Variants in PDE4B observed in about 807,000 individuals in gnomAD.
The protein encoded by PDE4B is phosphodiesterase 4B.
Under a neutral mutation model 82.2 loss-of-function variants are expected in PDE4B, and 20 were observed. The observed-to-expected ratio is 0.24, with a 90% CI of 0.17 to 0.35. The LOEUF is 0.35. Among genes scored for constraint, PDE4B ranks in the 10% least tolerant of loss-of-function variants. The pLI is 1.00. For synonymous variants in PDE4B, 320 were observed against 318.9 expected, an observed-to-expected ratio of 1.00 and a Z score of -0.04; for missense variants, 655 against 907.2, an observed-to-expected ratio of 0.72 and a Z score of 3.57.
intron 11 of PDE4B, 51 bp from the exon 12 acceptor site, chr1:66,363,356 T>C (rs752251789): frequency 5.1e-5 from 80 of 1,563,744 alleles, no homozygotes; most frequent in Non-Finnish European, 6.7e-5. Flanking sequence ...TTAACTTTCC[T>C]CGACTTTTGG....
chr1:65,905,094 A>G (rs1557809124), intron 1 of PDE4B, among the ~76,000 whole-genome samples: 1 of 152,156 alleles, frequency 6.6e-6, no homozygotes, highest in Non-Finnish European at 1.5e-5. Context: ...GCAAATATTT[A>G]TTGCTTGGCA....
intron 7 of PDE4B, among the ~76,000 whole-genome samples, chr1:66,291,243 G>A (rs1242869922): frequency 1.3e-5 from 2 of 152,040 alleles, no homozygotes; most frequent in Non-Finnish European, 2.9e-5. Context: ...TCATACTACA[G>A]ATAAGAAAAG....
At chr1:66,192,763 A>T (rs1416984956) in intron 3 of PDE4B, among the ~76,000 whole-genome samples, 1 of 152,148 alleles carries the variant, frequency 6.6e-6, no homozygotes, top group African/African-American at 2.4e-5. Flanking sequence ...GTCTTAGGGT[A>T]ATTTCTGAGT....
At chr1:66,066,409 A>G (rs893634588) in intron 3 of PDE4B, among the ~76,000 whole-genome samples, 1 of 151,850 alleles carries the variant, frequency 6.6e-6, no homozygotes, top group Non-Finnish European at 1.5e-5. Context: ...AAGTGTTCAA[A>G]GATAAGTTAT....
At chr1:65,876,370 G>C (rs1397636487) in intron 1 of PDE4B, among the ~76,000 whole-genome samples, 1 of 151,914 alleles carries the variant, frequency 6.6e-6, no homozygotes, top group East Asian at 1.9e-4. Flanking sequence ...AAATATGATA[G>C]CACACAATGG....
chr1:66,298,559 G>T (rs1657669679), intron 7 of PDE4B, among the ~76,000 whole-genome samples: 1 of 152,162 alleles, frequency 6.6e-6, no homozygotes, highest in African/African-American at 2.4e-5. Context: ...CAGTTGCTTT[G>T]CAAGATCACA....
intron 3 of PDE4B, among the ~76,000 whole-genome samples, chr1:66,129,135 A>G (rs1397383646): frequency 1.3e-5 from 2 of 152,238 alleles, no homozygotes; most frequent in East Asian, 3.8e-4. Context: ...GAGTGTTTGC[A>G]TCTAGAGACG....
intron 3 of PDE4B, among the ~76,000 whole-genome samples, chr1:66,134,735 G>A (rs1301025356): frequency 6.6e-6 from 1 of 152,214 alleles, no homozygotes; most frequent in Non-Finnish European, 1.5e-5. Context: ...GAGGTTGTTT[G>A]TAAAATACTG....
At chr1:65,867,840 C>T (rs188068618) in intron 1 of PDE4B, among the ~76,000 whole-genome samples, 1 of 152,272 alleles carries the variant, frequency 6.6e-6, no homozygotes, top group Non-Finnish European at 1.5e-5. Flanking sequence ...TTATTGATTT[C>T]CCAGACACAG....
At chr1:66,130,825 A>G (rs1004705880) in intron 3 of PDE4B, among the ~76,000 whole-genome samples, 8 of 152,098 alleles carry the variant, frequency 5.3e-5, no homozygotes, top group Non-Finnish European at 1.0e-4. Context: ...TGTTTTTCTC[A>G]CTTCTTATGG....
intron 1 of PDE4B, among the ~76,000 whole-genome samples, chr1:65,850,109 A>AG (rs1646313630): frequency 1.0e-5 from 1 of 96,784 alleles, no homozygotes; most frequent in African/African-American, 3.8e-5. Context: ...ATTGCCCTGC[A>AG]CTTTTTTTTT....
chr1:65,887,246 C>CG, intron 1 of PDE4B, among the ~76,000 whole-genome samples: 1 of 21,644 alleles, frequency 4.6e-5, no homozygotes, highest in South Asian at 1.5e-3. Flanking sequence ...TTCTTTCTTT[C>CG]TTTTCTTTCT....
intron 3 of PDE4B, among the ~76,000 whole-genome samples, chr1:66,187,008 A>T (rs1458137007): frequency 6.6e-6 from 1 of 152,188 alleles, no homozygotes; most frequent in East Asian, 1.9e-4. Flanking sequence ...GATATGTCCC[A>T]TCAATACCTA....
At chr1:66,204,829 G>T (rs565282072) in intron 3 of PDE4B, among the ~76,000 whole-genome samples, 1 of 152,168 alleles carries the variant, frequency 6.6e-6, no homozygotes, top group African/African-American at 2.4e-5. Flanking sequence ...GCTTCAGCTC[G>T]CTCACGGTGT....
chr1:66,314,134 T>G (rs1658858776), intron 7 of PDE4B, among the ~76,000 whole-genome samples: 1 of 152,194 alleles, frequency 6.6e-6, no homozygotes, highest in African/African-American at 2.4e-5. Context: ...CAAACATTGC[T>G]TAGAACTTAG....
intron 3 of PDE4B, among the ~76,000 whole-genome samples, chr1:66,186,585 C>A (rs1440576421): frequency 1.3e-5 from 2 of 152,236 alleles, no homozygotes; most frequent in African/African-American, 4.8e-5. Context: ...GTATTTTATT[C>A]TCTTTGAAGC....
At chr1:65,910,693 A>T (rs190191719) in intron 1 of PDE4B, among the ~76,000 whole-genome samples, 9 of 152,260 alleles carry the variant, frequency 5.9e-5, no homozygotes, top group African/African-American at 2.2e-4. Context: ...AGGATCTGTG[A>T]CCTCAAGTAG....
At chr1:66,361,921 T>A in intron 10 of PDE4B, 128 bp downstream of exon 10, 2 of 714,268 alleles carry the variant, frequency 2.8e-6, no homozygotes, top group Non-Finnish European at 4.4e-6. Flanking sequence ...GGGAAGCTCA[T>A]ATGAAATGAC....
intron 1 of PDE4B, among the ~76,000 whole-genome samples, chr1:65,836,616 C>A (rs1288192750): frequency 6.6e-6 from 1 of 151,476 alleles, no homozygotes; most frequent in African/African-American, 2.4e-5. Context: ...TCTCTGACAG[C>A]TTTTTTTTTC....
Sources: allele counts gnomAD v4.1 joint callset (sites outside exome capture counted in the v4.1 genomes callset), GRCh38; gene constraint gnomAD v4.1.1; transcripts MANE v1.5; gene names NCBI Gene and HGNC (gene_info 2026-07-23, HGNC 2026-07-21).